The following PI4KA variants were observed in gnomAD, a reference collection of about 807,000 sequenced individuals.
PI4KA encodes PI4-kinase alpha.
In PI4KA, 122 loss-of-function variants were observed where a neutral mutation model predicts 271.4. The observed-to-expected ratio is 0.45, with a 90% confidence interval of 0.39 to 0.52. The LOEUF (loss-of-function observed/expected upper bound fraction) is 0.52. PI4KA is among the 20% of genes least tolerant of loss of function. The pLI, the probability that PI4KA is intolerant of heterozygous loss-of-function variation, is 0.00. For missense variants in PI4KA, 1,969 were observed against 2,769.1 expected (o/e 0.71, Z 6.48); for synonymous variants, 1,041 against 1,078.8 (o/e 0.96, Z 0.69).
At chr22:20,754,923 G>C (rs932888044) in intron 23 of PI4KA, among the ~76,000 whole-genome samples, 1 of 152,172 alleles carries the variant, frequency 6.6e-6, no homozygotes, top group African/African-American at 2.4e-5. Flanking sequence ...ACTCCAGCCT[G>C]GGTGACAGAG....
intron 7 of PI4KA, among the ~76,000 whole-genome samples, chr22:20,815,751 A>C (rs1042772979): frequency 6.6e-6 from 1 of 152,134 alleles, no homozygotes; most frequent in African/African-American, 2.4e-5. Flanking sequence ...CAGCCGGATT[A>C]AAAAGGGTAG....
At chr22:20,760,816 T>A (rs1931884247) in intron 23 of PI4KA, among the ~76,000 whole-genome samples, 1 of 152,206 alleles carries the variant, frequency 6.6e-6, no homozygotes, top group Non-Finnish European at 1.5e-5. Flanking sequence ...AGGCCCTCTG[T>A]GCACTCAGGG....
chr22:20,787,272 A>T, intron 19 of PI4KA: 1 of 603,724 alleles, frequency 1.7e-6, no homozygotes, highest in Non-Finnish European at 3.0e-6. Flanking sequence ...CTGTAAGCTC[A>T]TAGAAGTCAC....
At chr22:20,751,582 G>A in intron 26 of PI4KA, 92 bp downstream of exon 26, 1 of 1,166,710 alleles carries the variant, frequency 8.6e-7, no homozygotes, top group Non-Finnish European at 1.3e-6. Context: ...CTTATTGTCA[G>A]AGAAGCATGC....
intron 3 of PI4KA, among the ~76,000 whole-genome samples, chr22:20,824,732 T>TCACACACACA (rs361914): frequency 7.9e-4 from 107 of 136,292 alleles, no homozygotes; most frequent in African/African-American, 1.9e-3. Flanking sequence ...ATGTGATAAA[T>TCACACACACA]CACACACACA....
chr22:20,798,646 G>C lies in PI4KA; in HGVS notation c.2046C>G (p.Ile682Met). The C allele has an allele frequency of 6.2e-7, 1 of 1,613,828 alleles. No homozygotes were observed. Among genetic ancestry groups the C allele is most frequent in the Non-Finnish European group, 8.5e-7 (1 of 1,179,706 alleles). The change falls in exon 17 of 55, where the codon ATC becomes ATG. Residue 682 changes from isoleucine (I) to methionine (M), a missense_variant. Ile to Met is a conservative substitution (Grantham distance 10). Around this residue, in one of 13 missense-constraint regions of PI4KA, gnomAD observed 368 missense variants for 544.3 expected, o/e 0.68. Coordinates refer to ENST00000255882, the MANE Select transcript of PI4KA (RefSeq NM_058004.4). The part of the protein sequence containing the change: ...YQEVWNLFQQ[I>M]SVKASSVVYS... Reference sequence around the variant, plus strand: ...ATACAACGGAGCTGGCCTTCACACTGATCTGCTGGAAGAGGTTCCACACTT... The same window carrying C: ...ATACAACGGAGCTGGCCTTCACACTCATCTGCTGGAAGAGGTTCCACACTT...
intron 23 of PI4KA, among the ~76,000 whole-genome samples, chr22:20,756,371 C>T (rs1931304670): frequency 6.6e-6 from 1 of 152,058 alleles, no homozygotes; most frequent in Non-Finnish European, 1.5e-5. Flanking sequence ...CAGGCATGCG[C>T]CACCATGCAG....
intron 45 of PI4KA, 113 bp downstream of exon 45, chr22:20,717,595 G>A (rs943491775): frequency 5.4e-6 from 5 of 929,168 alleles, no homozygotes; most frequent in African/African-American, 3.2e-5. Flanking sequence ...TGTGGGGCTG[G>A]CCAAGCCACT....
Position 20,835,833 on chromosome 22 carries a change from G to C in PI4KA, c.274-1178C>G, listed in dbSNP as rs562335655. ...GGAGGCTGAGGCAGGCGGATCACGA[G>C]GTCAGGAGATCGAGACCATCCTGGC... On this transcript the variant is annotated intron_variant, in intron 2 of 54. Transcript: ENST00000255882. Among the ~76,000 whole-genome samples the C allele has an allele frequency of 3.3e-5, 5 of 152,150 alleles. No homozygotes were observed. In the East Asian group the frequency reaches 9.6e-4, roughly 29 times the overall value.
intron 3 of PI4KA, among the ~76,000 whole-genome samples, chr22:20,831,254 A>C (rs1195368089): frequency 6.6e-6 from 1 of 151,934 alleles, no homozygotes; most frequent in African/African-American, 2.4e-5. Flanking sequence ...TCTTCGTTGC[A>C]AATTCTTTTC....
intron 1 of PI4KA, among the ~76,000 whole-genome samples, chr22:20,853,125 C>T (rs1927192196): frequency 6.6e-6 from 1 of 152,208 alleles, no homozygotes; most frequent in Admixed American, 6.5e-5. Flanking sequence ...AGGATTCTGG[C>T]ATTCTAACTG....
Position 20,721,358 on chromosome 22 carries a change from G to C in PI4KA, c.5056C>G (p.Gln1686Glu), listed in dbSNP as rs1200382164. 6.2e-7 allele frequency: 1 copy of C among 1,613,632 alleles called. No homozygotes were observed. Among genetic ancestry groups the C allele is most frequent in the Admixed American group, 1.7e-5 (1 of 60,024 alleles). ...TTAGTCTTCATGTTCCAGATGAACT[G>C]GTGTGCCAGAAGCTGGGATTTAGAC... ...AASKSQLLAH[Q>E]FIWNMKTNIY... The change falls in exon 43 of 55, where the codon CAG (glutamine) becomes GAG (glutamate). Residue 1686 changes from glutamine (Q) to glutamate (E), a missense_variant. By Grantham distance (29) the Gln-to-Glu change is conservative (BLOSUM62 2). Around this residue, in one of 13 missense-constraint regions of PI4KA, gnomAD observed 388 missense variants for 521.5 expected, o/e 0.74. Transcript: ENST00000255882.
chr22:20,815,939 C>CT (rs371208616), intron 7 of PI4KA, among the ~76,000 whole-genome samples: 86 of 146,144 alleles, frequency 5.9e-4, no homozygotes, highest in African/African-American at 1.2e-3. Context: ...ATTGAAACTT[C>CT]TTTTTTTTTT....
intron 19 of PI4KA, among the ~76,000 whole-genome samples, chr22:20,771,200 G>A (rs761448001): frequency 2.0e-5 from 3 of 152,120 alleles, no homozygotes; most frequent in African/African-American, 4.8e-5. Flanking sequence ...CGATGCGGGC[G>A]GATCATGAGG....
At position 20,818,563 on chromosome 22, in the gene PI4KA, CCA is replaced by C. The variant is rs1249078219; in HGVS notation, c.790-16_790-15del. On this transcript the variant is annotated splice_polypyrimidine_tract_variant and intron_variant, in intron 6 of 54. Transcript: ENST00000255882. ...TTCAGGGCTGACCTGAAACACACAA[CCA>C]CAGTTACATATCAGAAAAGACCAGT... 2.6e-6 allele frequency: 4 copies of C among 1,526,978 alleles called. No individual in the cohort carries two copies. Among genetic ancestry groups the C allele is most frequent in the African/African-American group, 1.4e-5 (1 of 69,006 alleles). 94.6% of individuals were successfully genotyped at this position (1,526,978 alleles called of 1,614,324 possible). A position where few individuals can be genotyped will look rare whatever the true frequency, so the allele number is the denominator to read the frequency against.
At chr22:20,718,414 A>T (rs925446126) in intron 44 of PI4KA, among the ~76,000 whole-genome samples, 1 of 152,210 alleles carries the variant, frequency 6.6e-6, no homozygotes, top group Non-Finnish European at 1.5e-5. Context: ...GCCATGTGCT[A>T]AATTCCACAA....
chr22:20,832,753 C>T (rs1924356846), intron 3 of PI4KA, among the ~76,000 whole-genome samples: 1 of 152,136 alleles, frequency 6.6e-6, no homozygotes, highest in African/African-American at 2.4e-5. Flanking sequence ...CTGTGCCCGG[C>T]CGGTTTTTTC....
At position 20,727,833 on chromosome 22, in the gene PI4KA, C is replaced by A. The variant is rs769600910; in HGVS notation, c.4714G>T (p.Val1572Leu). The change falls in exon 40 of 55, where the codon GTG becomes TTG. Residue 1572 changes from valine to leucine, a missense_variant. Transcript: ENST00000255882. Reference sequence around the variant, plus strand: ...GGGTCCAACCGAACGAGACGGGTCACTTCGTTCCCAATGGCTTCTGTGTTC... The same window carrying A: ...GGGTCCAACCGAACGAGACGGGTCAATTCGTTCCCAATGGCTTCTGTGTTC... ...FKNTEAIGNEVTRLVRLDPGA... is the reference protein window; with the variant it reads ...FKNTEAIGNELTRLVRLDPGA... 1.2e-6 allele frequency: 2 copies of A among 1,614,012 alleles called. No homozygotes were observed. The highest frequency in any genetic ancestry group is 2.7e-5 in the African/African-American group (2 of 74,928).
intron 1 of PI4KA, among the ~76,000 whole-genome samples, chr22:20,843,681 A>AT (rs1324267522): frequency 1.3e-5 from 2 of 152,188 alleles, no homozygotes; most frequent in Non-Finnish European, 2.9e-5. Flanking sequence ...ACTTTCAGGC[A>AT]GGCCATGTGT....
Sources: gnomAD v4.1 joint callset for allele counts (sites outside exome capture counted in the v4.1 genomes callset) on GRCh38, gnomAD v4.1.1 for gene constraint, gnomAD v4.1.1 regional missense constraint, MANE v1.5 for transcripts, NCBI Gene and HGNC (gene_info 2026-07-23, HGNC 2026-07-21) for gene names.